Variants in CDH17 observed in about 807,000 individuals in gnomAD.
CDH17 encodes the protein cadherin-17.
A neutral mutation model predicts 86.3 loss-of-function variants in CDH17; 67 were observed. The ratio of observed to expected loss-of-function variants is 0.78; its 90% CI spans 0.64 to 0.95. The LOEUF (loss-of-function observed/expected upper bound fraction) is 0.95, where lower values mean the gene tolerates loss of function less well. Among genes scored for constraint, CDH17 ranks in the 40% least tolerant of loss-of-function variants. CDH17 has a pLI of 0.00. For synonymous variants in CDH17, 367 were observed against 366.4 expected (o/e 1.00, Z -0.02); for missense variants, 993 against 1,017.6 (o/e 0.98, Z 0.33).
intron 11 of CDH17, among the ~76,000 whole-genome samples, chr8:94,160,460 T>C (rs1038901375): frequency 6.6e-6 from 1 of 152,210 alleles, no homozygotes; most frequent in Non-Finnish European, 1.5e-5. Context: ...GTAGTAGTAA[T>C]GATATAAATA....
intron 1 of CDH17, among the ~76,000 whole-genome samples, chr8:94,195,038 G>A (rs1813756130): frequency 6.6e-6 from 1 of 152,188 alleles, no homozygotes; most frequent in East Asian, 1.9e-4. Flanking sequence ...GTCTCACTTT[G>A]TCATCCAGGC....
chr8:94,158,571 C>T (rs891887702), intron 12 of CDH17, among the ~76,000 whole-genome samples: 3 of 152,174 alleles, frequency 2.0e-5, no homozygotes, highest in African/African-American at 7.2e-5. Flanking sequence ...AAGGAACACA[C>T]CAACCCACTG....
intron 15 of CDH17, among the ~76,000 whole-genome samples, chr8:94,136,604 G>T (rs1235768867): frequency 6.6e-6 from 1 of 152,196 alleles, no homozygotes; most frequent in African/African-American, 2.4e-5. Context: ...TTAGCTCAGA[G>T]AAGTTTGTTA....
intron 3 of CDH17, among the ~76,000 whole-genome samples, chr8:94,183,551 C>A (rs1410482779): frequency 6.7e-6 from 1 of 149,396 alleles, no homozygotes; most frequent in African/African-American, 2.6e-5. Context: ...CCATACCATA[C>A]ACAAAACTAA....
chr8:94,160,106 G>A lies in CDH17; in HGVS notation c.1416C>T (p.Ile472=). ...DTNIGSTILT[I]QATDADEPFT... is the part of the protein sequence containing the mutation. ...ATGGCTCATCAGCATCAGTGGCCTG[G>A]ATGGTTAAGATGGTGGACCCAATGT... is the stretch of plus-strand genomic sequence containing the variant. The change falls in exon 12 of 18, where the codon ATC becomes ATT. Residue 472 remains isoleucine (I), a synonymous_variant. Coordinates refer to ENST00000027335, the MANE Select transcript of CDH17 (RefSeq NM_004063.4). 2.5e-6 allele frequency: 4 copies of A among 1,613,766 alleles called. No individual in the cohort carries two copies. The highest frequency in any genetic ancestry group is 3.4e-6 in the Non-Finnish European group (4 of 1,179,840).
Position 94,168,301 on chromosome 8 carries a change from G to GTTTT in CDH17, c.1066+2092_1066+2095dup, listed in dbSNP as rs34513341. 2.7e-3 allele frequency among the ~76,000 whole-genome samples: 325 copies of GTTTT among 121,626 alleles called. 5 individuals carry two copies. Among genetic ancestry groups the GTTTT allele is most frequent in the African/African-American group, 9.5e-3 (304 of 31,882 alleles). The allele number at this position is 121,626 out of a possible 152,430, so 79.8% of individuals were successfully genotyped here. Reference sequence around the variant, plus strand: ...CCACCACACCTGGGTAATTTTTGCAGTTTTTTTTTTTTTTTTTAGTAGAGA... The same window carrying GTTTT: ...CCACCACACCTGGGTAATTTTTGCAGTTTTTTTTTTTTTTTTTTTTTAGTAGAGA... On this transcript the variant is annotated intron_variant, in intron 9 of 17. Transcript: ENST00000027335.
At chr8:94,216,081 G>A (rs529358724) in intron 1 of CDH17, among the ~76,000 whole-genome samples, 1 of 152,130 alleles carries the variant, frequency 6.6e-6, no homozygotes, top group African/African-American at 2.4e-5. Context: ...CTGCCTGCCT[G>A]AACGAAGACT....
intron 1 of CDH17, among the ~76,000 whole-genome samples, chr8:94,199,072 TATATATA>T (rs1404662314): frequency 4.1e-3 from 76 of 18,540 alleles, no homozygotes; most frequent in Middle Eastern, 0.056. Context: ...TATATATATA[TATATATA>T]TATATTTTTT....
intron 10 of CDH17, among the ~76,000 whole-genome samples, chr8:94,163,001 A>G (rs1345536330): frequency 1.3e-5 from 2 of 152,360 alleles, no homozygotes; most frequent in Non-Finnish European, 2.9e-5. Flanking sequence ...GCCACTTAGC[A>G]TGTATGTGAG....
At chr8:94,191,449 C>CTTT (rs34208252) in intron 2 of CDH17, among the ~76,000 whole-genome samples, 3 of 119,836 alleles carry the variant, frequency 2.5e-5, no homozygotes, top group Non-Finnish European at 5.2e-5. Flanking sequence ...CAAGAAAATG[C>CTTT]TTTTTTTTTT....
rs772722387 is a variant in CDH17, at chr8:94,151,975, T to A, written c.1689A>T (p.Ala563=). The A allele has an allele frequency of 6.2e-7, 1 of 1,614,218 alleles. No homozygotes were observed. The highest frequency in any genetic ancestry group is 1.1e-5 in the South Asian group (1 of 91,086). The change falls in exon 13 of 18, where the codon GCA becomes GCT. Residue 563 remains alanine, a synonymous_variant. Transcript: ENST00000027335. ...FTLIVTDVNE[A]PQFSQHVFQA... Reference sequence around the variant, plus strand: ...GGAATACGTGTTGGGAAAATTGAGGTGCTTCATTCACATCTGTCACAATAA... The same window carrying A: ...GGAATACGTGTTGGGAAAATTGAGGAGCTTCATTCACATCTGTCACAATAA...
At chr8:94,148,978 G>C in intron 13 of CDH17, 104 bp from the exon 14 acceptor site, 1 of 851,788 alleles carries the variant, frequency 1.2e-6, no homozygotes, top group Non-Finnish European at 1.8e-6. Flanking sequence ...CTTGAAATAT[G>C]TTGTAAATAA....
At position 94,206,686 on chromosome 8, in the gene CDH17, G is replaced by C. The variant is rs11781680; in HGVS notation, c.-21+1797C>G. Among the ~76,000 whole-genome samples the C allele has an allele frequency of 4.1e-3, 572 of 140,206 alleles. 4 individuals carry two copies. Among genetic ancestry groups the C allele is most frequent in the African/African-American group, 0.014 (510 of 35,612 alleles). The allele number at this position is 140,206 out of a possible 152,430, so 92.0% of individuals were successfully genotyped here. A position where few individuals can be genotyped will look rare whatever the true frequency, so the allele number is the denominator to read the frequency against. On this transcript the variant is annotated intron_variant, in intron 1 of 17. Transcript: ENST00000027335. ...AGACAGGTTCTCACTCTGTCACCCA[G>C]GCTGGAATGCAGTGGCACAATCATG...
intron 15 of CDH17, among the ~76,000 whole-genome samples, chr8:94,136,619 C>T (rs1410544829): frequency 2.0e-5 from 3 of 152,146 alleles, no homozygotes; most frequent in Admixed American, 1.3e-4. Flanking sequence ...TTGTTATTAC[C>T]AACCTTCTGA....
At chr8:94,199,480 C>T (rs62523265) in intron 1 of CDH17, among the ~76,000 whole-genome samples, 56,830 of 150,656 alleles carry the variant, frequency 0.38, 11,537 homozygotes, top group Non-Finnish European at 0.48. Context: ...TTTTTAACAC[C>T]TTCAGTCTTC....
chr8:94,158,218 A>C (rs111508363), intron 12 of CDH17, among the ~76,000 whole-genome samples: 105 of 152,270 alleles, frequency 6.9e-4, no homozygotes, highest in African/African-American at 2.4e-3. Context: ...AACCTCTAAT[A>C]TATGCCAGGA....
intron 3 of CDH17, among the ~76,000 whole-genome samples, chr8:94,185,960 T>C (rs570002919): frequency 2.0e-5 from 3 of 152,296 alleles, no homozygotes; most frequent in African/African-American, 4.8e-5. Flanking sequence ...TGGGTTTTTT[T>C]CTCATATCTG....
chr8:94,130,655 C>A lies in CDH17; in HGVS notation c.2369G>T (p.Gly790Val), dbSNP rs770145671. 1.2e-6 allele frequency: 2 copies of A among 1,613,246 alleles called. No homozygotes were observed. Among genetic ancestry groups the A allele is most frequent in the Non-Finnish European group, 1.7e-6 (2 of 1,179,392 alleles). ...CACCAGAAGGGTGGTCAGCAGTATA[C>A]CAACTGCCATGCCCACAGTGGGTAT... Reference protein sequence around the residue: ...TGIPTVGMAVGILLTTLLVIG... With the variant: ...TGIPTVGMAVVILLTTLLVIG... The change falls in exon 17 of 18, where the codon GGT (glycine) becomes GTT (valine). Residue 790 changes from glycine (G) to valine (V), a missense_variant. By Grantham distance (109) the Gly-to-Val change is moderately radical (BLOSUM62 -3). Coordinates refer to ENST00000027335, the MANE Select transcript of CDH17 (RefSeq NM_004063.4).
In CDH17 at chr8:94,165,867, T is replaced by C. The variant is rs138737542; in HGVS notation, c.1176A>G (p.Gly392=). 1.2e-6 allele frequency: 2 copies of C among 1,613,420 alleles called. No individual in the cohort carries two copies. The highest frequency in any genetic ancestry group is 2.7e-5 in the African/African-American group (2 of 74,870). ...VEQTPKLPMD[G]LFLIQTYAGM... ...CAGCATAGGTTTGGATTAGGAAGAG[T>C]CCATCCATGGGAAGTTTGGGAGTTT... is the stretch of plus-strand genomic sequence containing the variant. The change falls in exon 10 of 18, where the codon GGA becomes GGG. Residue 392 remains glycine (G), a synonymous_variant. Coordinates refer to ENST00000027335, the MANE Select transcript of CDH17 (RefSeq NM_004063.4).
Sources: allele counts gnomAD v4.1 joint callset (sites outside exome capture counted in the v4.1 genomes callset), GRCh38; gene constraint gnomAD v4.1.1; transcripts MANE v1.5; gene names NCBI Gene and HGNC (gene_info 2026-07-23, HGNC 2026-07-21).